KCNK2: variants seen among roughly 807,000 people sequenced by gnomAD.
KCNK2 encodes potassium two pore domain channel subfamily K member 2.
Under a neutral mutation model 40.5 loss-of-function variants are expected in KCNK2, and 21 were observed. The observed-to-expected ratio is 0.52, with a 90% CI of 0.37 to 0.75. The LOEUF (loss-of-function observed/expected upper bound fraction) is 0.75, where lower values mean the gene tolerates loss of function less well. Ranked by LOEUF, KCNK2 falls within the 30% of genes least tolerant of loss-of-function variation. KCNK2 has a pLI of 0.00. For synonymous variants in KCNK2, 191 were observed against 202.2 expected (o/e 0.94, Z 0.47); for missense variants, 399 against 531.6 (o/e 0.75, Z 2.45).
chr1:215,048,772 G>T (rs2841615), intron 1 of KCNK2, among the ~76,000 whole-genome samples: 61,016 of 151,946 alleles, frequency 0.4, 13,875 homozygotes, highest in Non-Finnish European at 0.5. Flanking sequence ...CCCTGCTCTG[G>T]CTGCGTCAGC....
intron 1 of KCNK2, among the ~76,000 whole-genome samples, chr1:215,011,571 C>G (rs893064510): frequency 6.6e-6 from 1 of 151,968 alleles, no homozygotes; most frequent in Non-Finnish European, 1.5e-5. Context: ...GGATTACAGG[C>G]GTGAGTCACC....
At chr1:215,110,004 C>T (rs1208492584) in intron 2 of KCNK2, among the ~76,000 whole-genome samples, 1 of 151,924 alleles carries the variant, frequency 6.6e-6, no homozygotes, top group Non-Finnish European at 1.5e-5. Context: ...ACCTGCTGGC[C>T]ATTTGTATGT....
chr1:215,021,194 G>A (rs1295480640), intron 1 of KCNK2, among the ~76,000 whole-genome samples: 1 of 152,106 alleles, frequency 6.6e-6, no homozygotes, highest in African/African-American at 2.4e-5. Context: ...CAACGGAACG[G>A]TTTAAGAAAT....
At chr1:215,115,576 C>T (rs4411107) in intron 2 of KCNK2, among the ~76,000 whole-genome samples, 86,194 of 151,738 alleles carry the variant, frequency 0.57, 26,413 homozygotes, top group Non-Finnish European at 0.68. Context: ...TTAAGGACAA[C>T]CTCTTTTAAA....
chr1:215,095,894 G>C (rs1659954678), intron 2 of KCNK2, among the ~76,000 whole-genome samples: 1 of 151,960 alleles, frequency 6.6e-6, no homozygotes, highest in South Asian at 2.1e-4. Context: ...CAATTATAAG[G>C]ACACAAAAGG....
chr1:215,070,322 A>C (rs576372738), intron 1 of KCNK2, among the ~76,000 whole-genome samples: 1 of 149,044 alleles, frequency 6.7e-6, no homozygotes, highest in South Asian at 2.2e-4. Flanking sequence ...AGGCTGAGGC[A>C]GGAGAATGGC....
At chr1:215,076,415 A>C (rs1658928420) in intron 1 of KCNK2, among the ~76,000 whole-genome samples, 1 of 152,158 alleles carries the variant, frequency 6.6e-6, no homozygotes, top group Non-Finnish European at 1.5e-5. Context: ...GGCTGAAATT[A>C]AGGTGTTGCC....
At chr1:215,154,858 T>A (rs1208650317) in intron 3 of KCNK2, among the ~76,000 whole-genome samples, 22 of 152,214 alleles carry the variant, frequency 1.4e-4, no homozygotes, top group Admixed American at 1.4e-3. Flanking sequence ...ATTTCTTTTA[T>A]TGTCAGATTT....
chr1:215,014,992 A>C (rs1394684136), intron 1 of KCNK2, among the ~76,000 whole-genome samples: 5 of 152,196 alleles, frequency 3.3e-5, no homozygotes, highest in Non-Finnish European at 7.4e-5. Flanking sequence ...CTAGTATTGT[A>C]GAAGTCCGCT....
intron 3 of KCNK2, among the ~76,000 whole-genome samples, chr1:215,159,485 A>G (rs917299080): frequency 2.0e-5 from 3 of 152,210 alleles, no homozygotes; most frequent in African/African-American, 7.2e-5. Flanking sequence ...TACTGGGGAC[A>G]GAGGCGGACG....
At chr1:215,139,461 T>C (rs1662074113) in intron 3 of KCNK2, among the ~76,000 whole-genome samples, 1 of 152,196 alleles carries the variant, frequency 6.6e-6, no homozygotes, top group African/African-American at 2.4e-5. Flanking sequence ...TGATGACCAT[T>C]TTTTGTTTGC....
intron 1 of KCNK2, among the ~76,000 whole-genome samples, chr1:215,038,637 A>G (rs1252339047): frequency 6.6e-6 from 1 of 152,104 alleles, no homozygotes; most frequent in Non-Finnish European, 1.5e-5. Flanking sequence ...GGACATAAAA[A>G]CAGAACCAAT....
chr1:215,151,875 A>G (rs1433045688), intron 3 of KCNK2, among the ~76,000 whole-genome samples: 1 of 152,140 alleles, frequency 6.6e-6, no homozygotes, highest in African/African-American at 2.4e-5. Context: ...TACCTTACTT[A>G]TTGAACGTCT....
intron 1 of KCNK2, among the ~76,000 whole-genome samples, chr1:215,076,049 G>A (rs1219495402): frequency 6.6e-6 from 1 of 152,220 alleles, no homozygotes; most frequent in Non-Finnish European, 1.5e-5. Context: ...TGTAGACAAT[G>A]CTTGTACGGA....
chr1:215,111,675 C>A (rs186188447), intron 2 of KCNK2, among the ~76,000 whole-genome samples: 146 of 152,048 alleles, frequency 9.6e-4, no homozygotes, highest in Middle Eastern at 3.4e-3. Context: ...GCTTGTTGAA[C>A]GTCTTTATGA....
Position 215,103,879 on chromosome 1 carries a change from A to T in KCNK2, c.357+17201A>T, listed in dbSNP as rs935354988. Among the ~76,000 whole-genome samples, 32 of 152,074 alleles carry T rather than the reference A, an allele frequency of 2.1e-4. No individual in the cohort carries two copies. In the Middle Eastern group the frequency reaches 0.01, roughly 48 times the overall value. ...TTTTATTCCCTATCGTTTTCCCCTG[A>T]TTCAGGATTAAATTGCTTCAGATAA... is the stretch of plus-strand genomic sequence containing the variant. On this transcript the variant is annotated intron_variant, in intron 2 of 6. Transcript: ENST00000444842.
intron 2 of KCNK2, among the ~76,000 whole-genome samples, chr1:215,093,892 TA>T (rs1384227281): frequency 7.4e-5 from 5 of 67,190 alleles, no homozygotes; most frequent in South Asian, 4.0e-4. Context: ...ATATTATATA[TA>T]AAAATATATT....
chr1:215,129,641 G>A (rs919479521), intron 3 of KCNK2, among the ~76,000 whole-genome samples: 12 of 152,188 alleles, frequency 7.9e-5, no homozygotes, highest in Non-Finnish European at 1.3e-4. Context: ...ATCTGGGTGG[G>A]ACAGATTTTG....
chr1:215,085,870 A>G (rs1159371743), intron 1 of KCNK2, among the ~76,000 whole-genome samples: 3 of 152,324 alleles, frequency 2.0e-5, no homozygotes, highest in East Asian at 3.9e-4. Flanking sequence ...TTATAATGCA[A>G]TTCATTTATT....
Sources: gnomAD v4.1 joint callset for allele counts (sites outside exome capture counted in the v4.1 genomes callset) on GRCh38, gnomAD v4.1.1 for gene constraint, MANE v1.5 for transcripts, NCBI Gene and HGNC (gene_info 2026-07-23, HGNC 2026-07-21) for gene names.